SPAG16: variants seen among roughly 807,000 people sequenced by gnomAD.
SPAG16 encodes the protein sperm-associated antigen 16 protein.
SPAG16 carries 86 observed loss-of-function variants against 80.4 expected under a neutral mutation model. That is an observed-to-expected ratio of 1.07 (90% CI 0.90 to 1.28). The LOEUF (loss-of-function observed/expected upper bound fraction) is 1.28, where lower values mean the gene tolerates loss of function less well. Ranked by LOEUF, SPAG16 falls within the 50% of genes most tolerant of loss-of-function variation. SPAG16 has a pLI of 0.00. For synonymous variants in SPAG16, 294 were observed against 265.9 expected (o/e 1.11, Z -1.03); for missense variants, 870 against 765.3 (o/e 1.14, Z -1.61).
chr2:214,182,930 A>G (rs1220506219), intron 15 of SPAG16, among the ~76,000 whole-genome samples: 1 of 151,928 alleles, frequency 6.6e-6, no homozygotes, highest in Non-Finnish European at 1.5e-5. Context: ...TGTGCTTCTT[A>G]TATCCCAATT....
chr2:214,037,393 G>A (rs2048754359), intron 13 of SPAG16, among the ~76,000 whole-genome samples: 2 of 151,794 alleles, frequency 1.3e-5, no homozygotes, highest in African/African-American at 4.8e-5. Flanking sequence ...TGTTATTAGA[G>A]ATTAAATTGT....
chr2:213,709,205 C>G (rs2065877969), intron 10 of SPAG16, among the ~76,000 whole-genome samples: 1 of 152,088 alleles, frequency 6.6e-6, no homozygotes, highest in Non-Finnish European at 1.5e-5. Flanking sequence ...TGCATATTGG[C>G]AAAGTTGAAA....
intron 10 of SPAG16, among the ~76,000 whole-genome samples, chr2:213,678,580 T>G (rs1003487321): frequency 6.6e-6 from 1 of 152,142 alleles, no homozygotes; most frequent in Non-Finnish European, 1.5e-5. Context: ...AATGGCCATG[T>G]TTTATGCCGG....
chr2:213,342,483 C>G (rs1241333589), intron 6 of SPAG16, among the ~76,000 whole-genome samples: 1 of 150,958 alleles, frequency 6.6e-6, no homozygotes, highest in Admixed American at 6.6e-5. Context: ...CATATTAATA[C>G]ACATTAAATG....
intron 5 of SPAG16, among the ~76,000 whole-genome samples, chr2:213,328,752 C>A (rs2063949468): frequency 6.6e-6 from 1 of 152,096 alleles, no homozygotes. Context: ...ACTGCTACCT[C>A]AGGAGTAGGA....
At chr2:214,047,578 C>T (rs1018824793) in intron 13 of SPAG16, among the ~76,000 whole-genome samples, 1 of 152,148 alleles carries the variant, frequency 6.6e-6, no homozygotes, top group Admixed American at 6.6e-5. Flanking sequence ...AGACTTCGAA[C>T]AATGAAACTA....
chr2:214,378,236 G>A (rs952886704), intron 15 of SPAG16, among the ~76,000 whole-genome samples: 4 of 152,202 alleles, frequency 2.6e-5, no homozygotes, highest in African/African-American at 9.7e-5. Flanking sequence ...GTAGCAATGT[G>A]TGACAGCAGC....
chr2:214,008,134 T>C (rs2047111877), intron 12 of SPAG16, among the ~76,000 whole-genome samples: 1 of 152,136 alleles, frequency 6.6e-6, no homozygotes, highest in African/African-American at 2.4e-5. Flanking sequence ...TACTATTTTT[T>C]CCTTCAGTAC....
intron 15 of SPAG16, among the ~76,000 whole-genome samples, chr2:214,304,091 T>C (rs1028730599): frequency 6.6e-6 from 1 of 152,216 alleles, no homozygotes; most frequent in Admixed American, 6.5e-5. Context: ...CTCCCACTTA[T>C]AAGTGAGAAC....
At chr2:214,023,670 T>C (rs1281359097) in intron 13 of SPAG16, among the ~76,000 whole-genome samples, 1 of 151,850 alleles carries the variant, frequency 6.6e-6, no homozygotes, top group African/African-American at 2.4e-5. Context: ...TTTAATATGC[T>C]ATAAGGCTTT....
intron 11 of SPAG16, among the ~76,000 whole-genome samples, chr2:213,872,333 A>G (rs971868842): frequency 2.2e-5 from 2 of 91,950 alleles, no homozygotes; most frequent in African/African-American, 2.9e-5. Context: ...GAGTAACTTC[A>G]TGTTATGTTA....
chr2:214,347,972 T>G (rs1698167529), intron 15 of SPAG16, among the ~76,000 whole-genome samples: 1 of 152,214 alleles, frequency 6.6e-6, no homozygotes, highest in African/African-American at 2.4e-5. Context: ...GGGGCAGTTC[T>G]GGGTCCTAAG....
chr2:213,771,577 T>C (rs908350281), intron 10 of SPAG16, among the ~76,000 whole-genome samples: 2 of 152,206 alleles, frequency 1.3e-5, no homozygotes, highest in Admixed American at 6.5e-5. Flanking sequence ...AGGGTTTTTA[T>C]AGTTTTGGGT....
At chr2:213,430,754 T>A (rs2070242491) in intron 9 of SPAG16, among the ~76,000 whole-genome samples, 1 of 152,202 alleles carries the variant, frequency 6.6e-6, no homozygotes. Flanking sequence ...TGCAGCAAGA[T>A]GGACTTCCAA....
intron 3 of SPAG16, among the ~76,000 whole-genome samples, chr2:213,306,409 G>A (rs567916868): frequency 2.9e-3 from 1 of 348 alleles, no homozygotes; most frequent in Non-Finnish European, 8.9e-3. Context: ...GGAGTCTCTC[G>A]GGGTTAGGGG....
intron 10 of SPAG16, among the ~76,000 whole-genome samples, chr2:213,646,109 CA>C (rs1235515237): frequency 9.2e-5 from 14 of 152,314 alleles, no homozygotes; most frequent in Admixed American, 9.1e-4. Flanking sequence ...GGCACCCCTC[CA>C]AACCTGCCCC....
chr2:214,341,049 T>C (rs1298623531), intron 15 of SPAG16, among the ~76,000 whole-genome samples: 1 of 152,116 alleles, frequency 6.6e-6, no homozygotes, highest in African/African-American at 2.4e-5. Context: ...AGTAATACAC[T>C]CAGAACAATT....
At chr2:213,858,588 T>C (rs1018745016) in intron 10 of SPAG16, among the ~76,000 whole-genome samples, 2 of 152,184 alleles carry the variant, frequency 1.3e-5, no homozygotes, top group Non-Finnish European at 2.9e-5. Flanking sequence ...TTCACTTTGT[T>C]GAGATTGTCT....
At chr2:213,429,942 T>C (rs558682582) in intron 9 of SPAG16, among the ~76,000 whole-genome samples, 33 of 152,296 alleles carry the variant, frequency 2.2e-4, no homozygotes, top group Non-Finnish European at 4.0e-4. Flanking sequence ...TAATGTGTAA[T>C]GATACACATA....
Sources: gnomAD v4.1 joint callset for allele counts (sites outside exome capture counted in the v4.1 genomes callset) on GRCh38, gnomAD v4.1.1 for gene constraint, MANE v1.5 for transcripts, NCBI Gene and HGNC (gene_info 2026-07-23, HGNC 2026-07-21) for gene names.